The following RYR2 variants were observed in gnomAD, a reference collection of about 807,000 sequenced individuals.
RYR2 encodes the protein ryanodine receptor 2.
Under a neutral mutation model 601.1 loss-of-function variants are expected in RYR2, and 227 were observed. That is an observed-to-expected ratio of 0.38 (90% CI 0.34 to 0.42). The LOEUF (loss-of-function observed/expected upper bound fraction) is 0.42, where lower values mean the gene tolerates loss of function less well. Among genes scored for constraint, RYR2 ranks in the 10% least tolerant of loss-of-function variants. The pLI is 1.00. For synonymous variants in RYR2, 2,223 were observed against 2,175.1 expected, an observed-to-expected ratio of 1.02 and a Z score of -0.61; for missense variants, 4,646 against 6,156.5, an observed-to-expected ratio of 0.75 and a Z score of 8.21.
chr1:237,268,775 A>C lies in RYR2; in HGVS notation c.49-1722A>C, dbSNP rs566389148. On this transcript the variant is annotated intron_variant, in intron 1 of 104. Transcript: ENST00000366574. ...ACATGGTGAAACCCCATCTCTATTAAAAATACAAAAATTAGCTGGGTGTGG... is the reference window on the plus strand; with the variant it reads ...ACATGGTGAAACCCCATCTCTATTACAAATACAAAAATTAGCTGGGTGTGG... Among the ~76,000 whole-genome samples, 3 of 149,458 alleles carry C rather than the reference A, an allele frequency of 2.0e-5. No individual in the cohort carries two copies. The South Asian group carries it at 6.3e-4, about 31-fold the overall frequency.
intron 27 of RYR2, among the ~76,000 whole-genome samples, chr1:237,564,695 A>G (rs1193293954): frequency 6.6e-6 from 1 of 152,246 alleles, no homozygotes; most frequent in African/African-American, 2.4e-5. Flanking sequence ...AGTAATAGGC[A>G]TGAGAATTTA....
intron 29 of RYR2, among the ~76,000 whole-genome samples, chr1:237,586,322 T>C (rs1005542313): frequency 6.6e-6 from 1 of 152,226 alleles, no homozygotes; most frequent in African/African-American, 2.4e-5. Flanking sequence ...CACAGTTAAT[T>C]ATTCTCAGGA....
At chr1:237,617,648 C>A (rs1465449407) in intron 38 of RYR2, among the ~76,000 whole-genome samples, 162 bp downstream of exon 38, 2 of 152,288 alleles carry the variant, frequency 1.3e-5, no homozygotes, top group Non-Finnish European at 2.9e-5. Flanking sequence ...AAAAGAATTT[C>A]TTTGGTTAGT....
intron 1 of RYR2, among the ~76,000 whole-genome samples, chr1:237,051,613 G>A (rs1661293545): frequency 6.6e-6 from 1 of 152,060 alleles, no homozygotes; most frequent in Non-Finnish European, 1.5e-5. Context: ...TTTTTACGCC[G>A]TGGCCTACCT....
Position 237,118,940 on chromosome 1 carries a change from CA to C in RYR2, c.48+76379del, listed in dbSNP as rs545082796. On this transcript the variant is annotated intron_variant, in intron 1 of 104. Transcript: ENST00000366574. ...CGTGAAAAAGGAAAAACCCCTTGTG[CA>C]AAAAAAATGAATTTTAGAATGAAAC... Among the ~76,000 whole-genome samples the C allele has an allele frequency of 1.6e-3, 245 of 151,080 alleles. 1 individual carries two copies. The highest frequency in any genetic ancestry group is 5.5e-3 in the African/African-American group (227 of 41,208).
chr1:237,362,423 C>T (rs1699853742), intron 4 of RYR2, among the ~76,000 whole-genome samples: 1 of 152,170 alleles, frequency 6.6e-6, no homozygotes, highest in Non-Finnish European at 1.5e-5. Flanking sequence ...ACAAAAACGA[C>T]ATTCTCCACA....
intron 16 of RYR2, 133 bp from the exon 17 acceptor site, chr1:237,468,959 T>G: frequency 1.5e-6 from 1 of 657,234 alleles, no homozygotes; most frequent in Non-Finnish European, 2.7e-6. Flanking sequence ...CGTGTATGTA[T>G]GTTTGCATAA....
At chr1:237,410,282 G>A (rs1704311997) in intron 10 of RYR2, among the ~76,000 whole-genome samples, 1 of 152,106 alleles carries the variant, frequency 6.6e-6, no homozygotes, top group African/African-American at 2.4e-5. Flanking sequence ...CTGAAGCGCT[G>A]TGAATTTGTC....
At chr1:237,770,428 G>A (rs912953363) in intron 84 of RYR2, among the ~76,000 whole-genome samples, 2 of 152,106 alleles carry the variant, frequency 1.3e-5, no homozygotes, top group African/African-American at 2.4e-5. Context: ...CGGGTACAAA[G>A]CAAATTTAAC....
chr1:237,596,969 C>T (rs967619351), intron 34 of RYR2, among the ~76,000 whole-genome samples: 1 of 152,184 alleles, frequency 6.6e-6, no homozygotes, highest in Non-Finnish European at 1.5e-5. Context: ...AATGAATTCA[C>T]CACCTCTGGA....
At chr1:237,114,162 T>C (rs561111176) in intron 1 of RYR2, among the ~76,000 whole-genome samples, 2 of 152,314 alleles carry the variant, frequency 1.3e-5, no homozygotes, top group East Asian at 3.9e-4. Context: ...TTAGTCATTT[T>C]CACGGGGATT....
At chr1:237,227,025 A>C (rs1684438187) in intron 1 of RYR2, among the ~76,000 whole-genome samples, 1 of 152,060 alleles carries the variant, frequency 6.6e-6, no homozygotes, top group Admixed American at 6.6e-5. Flanking sequence ...TGCTTTGCAA[A>C]GCCTCCCAAA....
At chr1:237,592,775 C>G (rs1405561121) in intron 32 of RYR2, among the ~76,000 whole-genome samples, 2 of 151,886 alleles carry the variant, frequency 1.3e-5, no homozygotes, top group Admixed American at 1.3e-4. Flanking sequence ...AATCCCAGAA[C>G]TTTGGGAGGC....
At chr1:237,210,522 G>A (rs1044910509) in intron 1 of RYR2, among the ~76,000 whole-genome samples, 1 of 152,152 alleles carries the variant, frequency 6.6e-6, no homozygotes, top group Non-Finnish European at 1.5e-5. Flanking sequence ...GTTGGACTGA[G>A]TCAGGGTTTT....
chr1:237,333,937 A>T (rs1012437688), intron 3 of RYR2, among the ~76,000 whole-genome samples: 1 of 151,888 alleles, frequency 6.6e-6, no homozygotes, highest in African/African-American at 2.4e-5. Context: ...CTGATTCCCA[A>T]CTCTTTCATA....
intron 3 of RYR2, among the ~76,000 whole-genome samples, chr1:237,337,938 T>C (rs113630752): frequency 0.011 from 1,697 of 152,280 alleles, 10 homozygotes; most frequent in South Asian, 0.037. Flanking sequence ...TCAATCTCCA[T>C]TGGCTAAAAT....
intron 2 of RYR2, among the ~76,000 whole-genome samples, chr1:237,274,380 G>A (rs1399209200): frequency 1.3e-5 from 2 of 150,248 alleles, no homozygotes; most frequent in African/African-American, 4.9e-5. Flanking sequence ...GTGAATTTGA[G>A]TCTTAGTTTT....
intron 94 of RYR2, among the ~76,000 whole-genome samples, chr1:237,792,967 C>T (rs558524129): frequency 1.4e-3 from 207 of 152,306 alleles, no homozygotes; most frequent in African/African-American, 4.7e-3. Flanking sequence ...GCTTTATCCC[C>T]AGAGGCCTGC....
intron 24 of RYR2, among the ~76,000 whole-genome samples, chr1:237,519,016 T>C (rs1666832583): frequency 6.6e-6 from 1 of 152,218 alleles, no homozygotes; most frequent in Non-Finnish European, 1.5e-5. Context: ...ATTTCTCTGA[T>C]GATTAGTGAT....
Sources: gnomAD v4.1 joint callset for allele counts (sites outside exome capture counted in the v4.1 genomes callset) on GRCh38, gnomAD v4.1.1 for gene constraint, MANE v1.5 for transcripts, NCBI Gene and HGNC (gene_info 2026-07-23, HGNC 2026-07-21) for gene names.